LGALS16: variants seen among roughly 807,000 people sequenced by gnomAD.
LGALS16 encodes the protein galectin-16.
A neutral mutation model predicts 13.2 loss-of-function variants in LGALS16; 15 were observed. That is an observed-to-expected ratio of 1.13 (90% CI 0.76 to 1.75). The LOEUF (loss-of-function observed/expected upper bound fraction) is 1.75, where lower values mean the gene tolerates loss of function less well. Among genes scored for constraint, LGALS16 ranks in the 40% most tolerant of loss-of-function variants. The pLI is 0.00. For synonymous variants in LGALS16, 66 were observed against 65.4 expected, an observed-to-expected ratio of 1.01 and a Z score of -0.05; for missense variants, 198 against 178.4, an observed-to-expected ratio of 1.11 and a Z score of -0.63.
chr19:39,657,573 G>A (rs958669266), intron 1 of LGALS16, among the ~76,000 whole-genome samples: 3 of 152,162 alleles, frequency 2.0e-5, no homozygotes, highest in Non-Finnish European at 2.9e-5. Flanking sequence ...TTCCTACACA[G>A]TAGGAATTCA....
At chr19:39,657,738 G>T in intron 1 of LGALS16, 145 bp from the exon 2 acceptor site, 1 of 875,138 alleles carries the variant, frequency 1.1e-6, no homozygotes, top group Non-Finnish European at 1.8e-6. Flanking sequence ...TCAGGAATGT[G>T]GGGCCCTGAC....
At position 39,655,958 on chromosome 19, in the gene LGALS16, G is replaced by A. The variant is rs766205206; in HGVS notation, c.-4G>A. Reference sequence around the variant, plus strand: ...TTCCGAAGGTCGCCCAGAAGGAGAGGACAATGTCATTTCTAACTGTGAGTT... The same window carrying A: ...TTCCGAAGGTCGCCCAGAAGGAGAGAACAATGTCATTTCTAACTGTGAGTT... On this transcript the variant is annotated 5_prime_UTR_variant, in exon 1 of 4. Transcript: ENST00000392051. 1.4e-4 allele frequency: 224 copies of A among 1,613,648 alleles called. No individual in the cohort carries two copies. The highest frequency in any genetic ancestry group is 1.6e-4 in the Non-Finnish European group (189 of 1,179,922).
chr19:39,658,364 AC>A (rs1349761391), intron 2 of LGALS16, 95 bp from the exon 3 acceptor site: 1 of 1,077,392 alleles, frequency 9.3e-7, no homozygotes, highest in African/African-American at 1.6e-5. Flanking sequence ...AGAGAATTTT[AC>A]CCTGGGTAAA....
In LGALS16 at chr19:39,656,101, G is replaced by T. The variant is rs994914147; in HGVS notation, c.15+125G>T. The T allele has an allele frequency of 8.8e-6, 9 of 1,019,760 alleles. No individual in the cohort carries two copies. In the Admixed American group the frequency reaches 1.8e-4, roughly 20 times the overall value. 63.2% of individuals were successfully genotyped at this position (1,019,760 alleles called of 1,614,324 possible). ...GAATGCTTTACTGAGAGTTGTGGGT[G>T]TGTGGAAGAGAAACACTGAGGCTGG... On this transcript the variant is annotated intron_variant, in intron 1 of 3. Transcript: ENST00000392051.
At chr19:39,657,017 A>C (rs186524592) in intron 1 of LGALS16, among the ~76,000 whole-genome samples, 65 of 152,198 alleles carry the variant, frequency 4.3e-4, no homozygotes, top group Non-Finnish European at 6.9e-4. Context: ...AATCCCACCA[A>C]TCTGAGAGAC....
intron 1 of LGALS16, among the ~76,000 whole-genome samples, chr19:39,656,463 GA>G (rs201272401): frequency 0.01 from 1,554 of 152,236 alleles, 32 homozygotes; most frequent in African/African-American, 0.036. Context: ...GTATTGAAGG[GA>G]AAACACGCAT....
Position 39,657,974 on chromosome 19 carries a change from G to A in LGALS16, c.92+15G>A, listed in dbSNP as rs773154809. 1.2e-6 allele frequency: 2 copies of A among 1,613,244 alleles called. No homozygotes were observed. The highest frequency in any genetic ancestry group is 1.7e-6 in the Non-Finnish European group (2 of 1,179,566). On this transcript the variant is annotated intron_variant, in intron 2 of 3. Transcript: ENST00000392051. ...GACTCTTCTATGTGAGTACTCCATG[G>A]TCCAATGGAGGGGGTGGAGGAGAAA...
chr19:39,660,633 C>A lies in LGALS16; in HGVS notation c.*113C>A. ...CTTCCCCTACACTTGGTCATTAAAA[C>A]AGCACCAAACCGTACATGATTTGGT... On this transcript the variant is annotated 3_prime_UTR_variant, in exon 4 of 4. Transcript: ENST00000392051. 1.1e-6 allele frequency: 1 copy of A among 877,394 alleles called. No individual in the cohort carries two copies. Among genetic ancestry groups the A allele is most frequent in the South Asian group, 1.7e-5 (1 of 59,874 alleles). The allele number at this position is 877,394 out of a possible 1,614,324, so 54.4% of individuals were successfully genotyped here.
chr19:39,657,841 A>C (rs1325359897), intron 1 of LGALS16, 42 bp from the exon 2 acceptor site: 3 of 1,604,204 alleles, frequency 1.9e-6, no homozygotes, highest in South Asian at 1.1e-5. Context: ...GGGAGACTGC[A>C]CCTGACCCTG....
At chr19:39,657,627 C>T (rs1348170144) in intron 1 of LGALS16, among the ~76,000 whole-genome samples, 1 of 152,136 alleles carries the variant, frequency 6.6e-6, no homozygotes, top group Non-Finnish European at 1.5e-5. Flanking sequence ...AGTCAAGTAA[C>T]CGATCTAAGA....
intron 3 of LGALS16, 101 bp from the exon 4 acceptor site, chr19:39,660,294 G>A (rs1302868522): frequency 8.3e-7 from 1 of 1,202,896 alleles, no homozygotes; most frequent in Non-Finnish European, 1.2e-6. Flanking sequence ...ATAACTAGGA[G>A]TTTTCTTGGG....
chr19:39,660,619 C>G lies in LGALS16; in HGVS notation c.*99C>G, dbSNP rs1973250696. 4.8e-6 allele frequency: 5 copies of G among 1,044,720 alleles called. No homozygotes were observed. Among genetic ancestry groups the G allele is most frequent in the Non-Finnish European group, 7.0e-6 (5 of 719,316 alleles). The allele number at this position is 1,044,720 out of a possible 1,614,324, so 64.7% of individuals were successfully genotyped here. ...TCCCTCCTCAACCCCTTCCCCTACA[C>G]TTGGTCATTAAAACAGCACCAAACC... is the stretch of plus-strand genomic sequence containing the variant. On this transcript the variant is annotated 3_prime_UTR_variant, in exon 4 of 4. Coordinates refer to ENST00000392051, the MANE Select transcript of LGALS16 (RefSeq NM_001190441.3).
intron 3 of LGALS16, 92 bp from the exon 4 acceptor site, chr19:39,660,303 G>A (rs1013543051): frequency 6.3e-6 from 8 of 1,276,172 alleles, no homozygotes; most frequent in Non-Finnish European, 8.6e-6. Flanking sequence ...AGTTTTCTTG[G>A]GGAATGTTAT....
In LGALS16 at chr19:39,658,610, GC is replaced by G. The variant is rs1973223778; in HGVS notation, c.246del (p.Phe83LeufsTer20). 2 of 1,604,966 alleles carry G rather than the reference GC, an allele frequency of 1.2e-6. No homozygotes were observed. The highest frequency in any genetic ancestry group is 2.2e-5 in the South Asian group (2 of 90,484). The stretch of plus-strand genomic sequence containing the variant: ...TGTTGGAGGAGAATTTACACTATGT[GC>G]CCTTTGAGGATGGCAAACCATTTGA... ...WMLEENLHYV[P>X]FEDGKPFDLR... On this transcript the variant is annotated frameshift_variant, in exon 3 of 4. Transcript: ENST00000392051. LOFTEE classifies it high-confidence loss of function.
In LGALS16 at chr19:39,658,531, G is replaced by A. The variant is rs116331309; in HGVS notation, c.164G>A (p.Arg55Gln). The A allele has an allele frequency of 6.2e-6, 10 of 1,607,758 alleles. No individual in the cohort carries two copies. Among genetic ancestry groups the A allele is most frequent in the African/African-American group, 2.7e-5 (2 of 74,974 alleles). ...NEDSEIAFHL[R>Q]VHLGRRVVMN... ...GACTCAGAAATTGCCTTCCATTTGC[G>A]AGTGCACTTAGGCCGTCGTGTGGTC... Residue 55 changes from arginine to glutamine, a missense_variant, in exon 3 of 4, where the codon CGA (arginine) becomes CAA (glutamine). Coordinates refer to ENST00000392051, the MANE Select transcript of LGALS16 (RefSeq NM_001190441.3).
Position 39,660,523 on chromosome 19 carries a change from A to G in LGALS16, c.*3A>G. On this transcript the variant is annotated 3_prime_UTR_variant, in exon 4 of 4. Transcript: ENST00000392051. ...TTGTCAACAATGGACGGAGATGATC[A>G]CACTCCTCATTGTTGAGGAAACCCT... is the stretch of plus-strand genomic sequence containing the variant. 1 of 1,549,958 alleles carries G rather than the reference A, an allele frequency of 6.5e-7. No individual in the cohort carries two copies. The highest frequency in any genetic ancestry group is 8.7e-7 in the Non-Finnish European group (1 of 1,152,896).
At position 39,659,088 on chromosome 19, in the gene LGALS16, AG is replaced by A. The variant is rs543801091; in HGVS notation, c.303+419del. On this transcript the variant is annotated intron_variant, in intron 3 of 3. Transcript: ENST00000392051. ...TTACCAGAGCTCTGCTCTCCTTCAG[AG>A]AGAATCCTTTTTCTTTTTTTTTTTT... Among the ~76,000 whole-genome samples, 378 of 148,868 alleles carry A rather than the reference AG, an allele frequency of 2.5e-3. 1 individual carries two copies. The highest frequency in any genetic ancestry group is 9.1e-3 in the African/African-American group (363 of 39,854).
chr19:39,656,311 T>C (rs890329083), intron 1 of LGALS16, among the ~76,000 whole-genome samples: 1 of 152,186 alleles, frequency 6.6e-6, no homozygotes, highest in African/African-American at 2.4e-5. Context: ...GTACTTTGTC[T>C]TCCTCTTTGT....
rs1332850167 is a variant in LGALS16, at chr19:39,658,469, A to G, written c.102A>G (p.Pro34=). The change falls in exon 3 of 4, where the codon CCA becomes CCG. Residue 34 remains proline (P), a synonymous_variant. Coordinates refer to ENST00000392051, the MANE Select transcript of LGALS16 (RefSeq NM_001190441.3). Reference sequence around the variant, plus strand: ...TGTGCTTTGCCCTCAGCAACGAACCACAGCTGCAGGTGGATTTCTACACTG... The same window carrying G: ...TGTGCTTTGCCCTCAGCAACGAACCGCAGCTGCAGGTGGATTTCTACACTG... The part of the protein sequence containing the change: ...GTLIDSSINE[P]QLQVDFYTEM... 5 of 1,598,944 alleles carry G rather than the reference A, an allele frequency of 3.1e-6. No homozygotes were observed. Among genetic ancestry groups the G allele is most frequent in the Non-Finnish European group, 3.4e-6 (4 of 1,175,338 alleles).
Sources: gnomAD v4.1 joint callset for allele counts (sites outside exome capture counted in the v4.1 genomes callset) on GRCh38, gnomAD v4.1.1 for gene constraint, MANE v1.5 for transcripts, NCBI Gene and HGNC (gene_info 2026-07-23, HGNC 2026-07-21) for gene names.